PHLPP2: variants seen among roughly 807,000 people sequenced by gnomAD.
PHLPP2 encodes the protein PH domain leucine-rich repeat-containing protein phosphatase 2.
PHLPP2 carries 66 observed loss-of-function variants against 124.9 expected under a neutral mutation model. That is an observed-to-expected ratio of 0.53 (90% confidence interval 0.43 to 0.65). PHLPP2 has a LOEUF of 0.65. PHLPP2 is among the 30% of genes least tolerant of loss of function. The pLI, the probability that PHLPP2 is intolerant of heterozygous loss-of-function variation, is 0.00. For missense variants in PHLPP2, 1,685 were observed against 1,600.4 expected, an observed-to-expected ratio of 1.05 and a Z score of -0.90; for synonymous variants, 681 against 624.7, an observed-to-expected ratio of 1.09 and a Z score of -1.34.
chr16:71,669,953 C>T (rs374733616), intron 10 of PHLPP2, among the ~76,000 whole-genome samples: 55 of 152,084 alleles, frequency 3.6e-4, no homozygotes, highest in African/African-American at 1.2e-3. Context: ...GTTTATCAAG[C>T]GATATAATGA....
intron 18 of PHLPP2, among the ~76,000 whole-genome samples, chr16:71,651,137 G>A (rs2044692994): frequency 6.6e-6 from 1 of 152,122 alleles, no homozygotes; most frequent in African/African-American, 2.4e-5. Context: ...ATGGGAGTTG[G>A]ATACCAGCCT....
At chr16:71,698,436 G>A in intron 3 of PHLPP2, 2 of 727,508 alleles carry the variant, frequency 2.7e-6, no homozygotes, top group South Asian at 2.8e-5. Context: ...TGGTGCAGAT[G>A]GACATGGTAA....
chr16:71,689,015 C>T (rs1042704316), intron 4 of PHLPP2, among the ~76,000 whole-genome samples: 1 of 152,108 alleles, frequency 6.6e-6, no homozygotes, highest in East Asian at 1.9e-4. Context: ...ACAAAAGATA[C>T]CAACCAGCCT....
intron 5 of PHLPP2, among the ~76,000 whole-genome samples, chr16:71,683,223 C>T (rs1230323784): frequency 1.3e-5 from 2 of 151,572 alleles, no homozygotes; most frequent in African/African-American, 4.8e-5. Flanking sequence ...TGTCCTTATA[C>T]TATAACAATC....
intron 2 of PHLPP2, among the ~76,000 whole-genome samples, chr16:71,712,963 CA>C (rs2045333338): frequency 6.6e-6 from 1 of 152,088 alleles, no homozygotes; most frequent in South Asian, 2.1e-4. Context: ...TCTTATTTGA[CA>C]ACTAATTCAA....
Position 71,652,917 on chromosome 16 carries a change from T to A in PHLPP2, c.2690A>T (p.Asn897Ile). 1 of 1,614,096 alleles carries A rather than the reference T, an allele frequency of 6.2e-7. No individual in the cohort carries two copies. Among genetic ancestry groups the A allele is most frequent in the Non-Finnish European group, 8.5e-7 (1 of 1,180,006 alleles). Residue 897 changes from asparagine (N) to isoleucine (I), a missense_variant, in exon 18 of 19, where the codon AAT (asparagine) becomes ATT (isoleucine). Transcript: ENST00000568954. ...PASSFSLTVA[N>I]VGTCQAVLCR... is the part of the protein sequence containing the mutation. ...CAGGACTGCTTGGCACGTGCCAACA[T>A]TGGCTACAGTCAAGCTAAAGCTACT...
At chr16:71,711,873 T>C (rs979308238) in intron 2 of PHLPP2, among the ~76,000 whole-genome samples, 1 of 152,182 alleles carries the variant, frequency 6.6e-6, no homozygotes, top group Non-Finnish European at 1.5e-5. Flanking sequence ...GAGTAACAGA[T>C]CTAAAAACAA....
intron 17 of PHLPP2, 53 bp downstream of exon 17, chr16:71,655,187 T>C (rs1386978769): frequency 2.4e-6 from 3 of 1,244,604 alleles, no homozygotes; most frequent in Non-Finnish European, 3.5e-6. Context: ...TTTAGAAAAA[T>C]ATATTTTCCA....
intron 17 of PHLPP2, among the ~76,000 whole-genome samples, chr16:71,653,768 T>C (rs1379337112): frequency 6.6e-6 from 1 of 152,198 alleles, no homozygotes; most frequent in Non-Finnish European, 1.5e-5. Context: ...AAACCCTTTA[T>C]TTTTGCAAAG....
intron 1 of PHLPP2, chr16:71,723,863 C>T: frequency 1.7e-6 from 2 of 1,192,090 alleles, no homozygotes; most frequent in Admixed American, 4.6e-5. Context: ...CTCCACCTCC[C>T]CCATCGGCGA....
chr16:71,670,408 G>GGA, intron 10 of PHLPP2, among the ~76,000 whole-genome samples: 1 of 152,122 alleles, frequency 6.6e-6, no homozygotes, highest in Non-Finnish European at 1.5e-5. Flanking sequence ...AAATCAGACT[G>GGA]TATTAGCTAG....
rs767406285 is a variant in PHLPP2, at chr16:71,714,741, G to A, written c.55C>T (p.Arg19Ter). ...TCTTCTCTTAGCCAGTCTCTTTCTCGAGAACCAAACCTACTTCTCCTATTC... is the reference window on the plus strand; with the variant it reads ...TCTTCTCTTAGCCAGTCTCTTTCTCAAGAACCAAACCTACTTCTCCTATTC... The part of the protein sequence containing the change: ...CLNRRSRFGS[R>*]ERDWLREDVK... Residue 19 changes from arginine to a stop codon, truncating the protein, a stop_gained, in exon 2 of 19, where the codon CGA (arginine) becomes TGA (stop). Coordinates refer to ENST00000568954, the MANE Select transcript of PHLPP2 (RefSeq NM_015020.3). LOFTEE classifies it high-confidence loss of function. 5.6e-6 allele frequency: 9 copies of A among 1,613,914 alleles called. No homozygotes were observed. The highest frequency in any genetic ancestry group is 5.3e-5 in the African/African-American group (4 of 74,884).
At chr16:71,664,182 T>A in intron 12 of PHLPP2, 83 bp from the exon 13 acceptor site, 1 of 919,598 alleles carries the variant, frequency 1.1e-6, no homozygotes, top group Non-Finnish European at 1.8e-6. Flanking sequence ...CACCTCAGTA[T>A]GGAATGCTGC....
At chr16:71,687,788 T>C (rs969061418) in intron 4 of PHLPP2, among the ~76,000 whole-genome samples, 2 of 152,224 alleles carry the variant, frequency 1.3e-5, no homozygotes, top group African/African-American at 4.8e-5. Context: ...TTCTAGAAAA[T>C]GTTCAGCTAT....
chr16:71,649,988 G>A lies in PHLPP2; in HGVS notation c.2874C>T (p.Leu958=). Reference sequence around the variant, plus strand: ...GGGGCTTGGGGAGGATCCAAGGGTAGAGGTATGTACAGCCCAGCATCCGGG... The same window carrying A: ...GGGGCTTGGGGAGGATCCAAGGGTAAAGGTATGTACAGCCCAGCATCCGGG... ...CCTRMLGCTY[L]YPWILPKPHI... is the part of the protein sequence containing the mutation. Residue 958 remains leucine (L), a synonymous_variant, in exon 19 of 19, where the codon CTC becomes CTT. Coordinates refer to ENST00000568954, the MANE Select transcript of PHLPP2 (RefSeq NM_015020.3). 6.2e-7 allele frequency: 1 copy of A among 1,613,530 alleles called. No homozygotes were observed. Among genetic ancestry groups the A allele is most frequent in the South Asian group, 1.1e-5 (1 of 91,082 alleles).
Position 71,724,477 on chromosome 16 carries a change from G to A in PHLPP2, c.-155C>T, listed in dbSNP as rs1257989830. The A allele has an allele frequency of 6.6e-6, 1 of 152,218 alleles. No homozygotes were observed. Among genetic ancestry groups the A allele is most frequent in the Non-Finnish European group, 1.5e-5 (1 of 68,058 alleles). 9.4% of individuals were successfully genotyped at this position (152,218 alleles called of 1,614,324 possible). A position where few individuals can be genotyped will look rare whatever the true frequency, so the allele number is the denominator to read the frequency against. Reference sequence around the variant, plus strand: ...TGGAGCAAAATTATCAGAATTCGGTGCTCTGCTTCAAGCAGTAATATGGCC... The same window carrying A: ...TGGAGCAAAATTATCAGAATTCGGTACTCTGCTTCAAGCAGTAATATGGCC... On this transcript the variant is annotated 5_prime_UTR_variant, in exon 1 of 19. Coordinates refer to ENST00000568954, the MANE Select transcript of PHLPP2 (RefSeq NM_015020.3).
intron 18 of PHLPP2, among the ~76,000 whole-genome samples, chr16:71,651,148 G>T (rs1183628100): frequency 6.6e-6 from 1 of 152,122 alleles, no homozygotes; most frequent in Non-Finnish European, 1.5e-5. Flanking sequence ...ATACCAGCCT[G>T]ACCAACATGG....
chr16:71,664,941 T>C (rs908671681), intron 12 of PHLPP2, among the ~76,000 whole-genome samples: 14 of 152,194 alleles, frequency 9.2e-5, no homozygotes, highest in African/African-American at 3.4e-4. Flanking sequence ...AAAAACAGAA[T>C]TTGTGGGATC....
At chr16:71,718,694 C>T (rs553655128) in intron 1 of PHLPP2, among the ~76,000 whole-genome samples, 23 of 151,652 alleles carry the variant, frequency 1.5e-4, no homozygotes, top group East Asian at 7.7e-4. Context: ...AGTGAAACCG[C>T]GTCTCAAAAA....
Sources: gnomAD v4.1 joint callset for allele counts (sites outside exome capture counted in the v4.1 genomes callset) on GRCh38, gnomAD v4.1.1 for gene constraint, MANE v1.5 for transcripts, NCBI Gene and HGNC (gene_info 2026-07-23, HGNC 2026-07-21) for gene names.